The following OCLN variants were observed in gnomAD, a reference collection of about 807,000 sequenced individuals.
The protein encoded by OCLN is occludin, also known as phosphatase 1, regulatory subunit 115.
In OCLN, 21 loss-of-function variants were observed where a neutral mutation model predicts 47.9. The ratio of observed to expected loss-of-function variants is 0.44; its 90% confidence interval spans 0.31 to 0.63. The LOEUF is 0.63. Among genes scored for constraint, OCLN ranks in the 30% least tolerant of loss-of-function variants. The pLI, the probability that OCLN is intolerant of heterozygous loss-of-function variation, is 0.08. For synonymous variants in OCLN, 117 were observed against 198.4 expected (o/e 0.59, Z 3.45); for missense variants, 360 against 571.0 (o/e 0.63, Z 3.77).
chr5:69,511,729 A>G (rs779260468), intron 3 of OCLN, among the ~76,000 whole-genome samples: 1 of 152,078 alleles, frequency 6.6e-6, no homozygotes, highest in Non-Finnish European at 1.5e-5. Context: ...TTTGCATAAA[A>G]GCTTTTAGTT....
chr5:69,515,578 GCGGGGGGC>G (rs1768928064), intron 4 of OCLN, among the ~76,000 whole-genome samples: 2 of 143,104 alleles, frequency 1.4e-5, no homozygotes, highest in Admixed American at 7.1e-5. Flanking sequence ...GGCTGGCCGG[GCGGGGGGC>G]TGACCCCCCC....
chr5:69,532,337 A>ACTCT (rs1769455146), intron 4 of OCLN, among the ~76,000 whole-genome samples: 1 of 152,130 alleles, frequency 6.6e-6, no homozygotes, highest in African/African-American at 2.4e-5. Context: ...CAGTCTCAAG[A>ACTCT]GGTCTTCCCA....
At chr5:69,530,991 C>T (rs1039409990) in intron 4 of OCLN, among the ~76,000 whole-genome samples, 3 of 152,230 alleles carry the variant, frequency 2.0e-5, no homozygotes, top group Non-Finnish European at 2.9e-5. Context: ...GGAAACTGCC[C>T]GCCCTTGCAT....
intron 8 of OCLN, 32 bp downstream of exon 8, chr5:69,551,617 ACTTT>A (rs1183533416): frequency 1.0e-5 from 1 of 99,906 alleles, no homozygotes; most frequent in Non-Finnish European, 1.8e-5. Context: ...TTTAGGAAGA[ACTTT>A]CTTTCTTCTT....
intron 4 of OCLN, among the ~76,000 whole-genome samples, chr5:69,515,959 C>G (rs1768952977): frequency 6.6e-6 from 1 of 150,746 alleles, no homozygotes; most frequent in African/African-American, 2.4e-5. Flanking sequence ...AAGAGGCGCT[C>G]CTCACTTCCT....
At chr5:69,502,636 T>C (rs1768492835) in intron 1 of OCLN, among the ~76,000 whole-genome samples, 1 of 152,208 alleles carries the variant, frequency 6.6e-6, no homozygotes, top group Non-Finnish European at 1.5e-5. Flanking sequence ...TTATTGTTGG[T>C]TCAACATAGC....
rs549147209 is a variant in OCLN, at chr5:69,527,004, G to A, written c.892-7690G>A. Reference sequence around the variant, plus strand: ...TCAAAAGGTGAAGCAGGGGCCAGGCGCGGTGGCTCACACCTGTAATCCTAG... The same window carrying A: ...TCAAAAGGTGAAGCAGGGGCCAGGCACGGTGGCTCACACCTGTAATCCTAG... On this transcript the variant is annotated intron_variant, in intron 4 of 8. Transcript: ENST00000396442. 1.4e-4 allele frequency among the ~76,000 whole-genome samples: 22 copies of A among 152,276 alleles called. No individual in the cohort carries two copies. In the South Asian group the frequency reaches 4.2e-3, roughly 29 times the overall value.
In OCLN at chr5:69,509,797, A is replaced by G. The variant is rs200609277; in HGVS notation, c.707A>G (p.Tyr236Cys). 13 of 1,613,708 alleles carry G rather than the reference A, an allele frequency of 8.1e-6. No homozygotes were observed. The East Asian group carries it at 1.3e-4, about 17-fold the overall frequency. Residue 236 changes from tyrosine to cysteine, a missense_variant, in exon 3 of 9, where the codon TAC (tyrosine) becomes TGC (cysteine). Transcript: ENST00000396442. Reference protein sequence around the residue: ...GLYVDQYLYHYCVVDPQEAIA... With the variant: ...GLYVDQYLYHCCVVDPQEAIA... The stretch of plus-strand genomic sequence containing the variant: ...TACGTGGATCAGTATTTGTATCACT[A>G]CTGTGTTGTGGATCCCCAGGAGGTA...
chr5:69,548,510 C>T (rs1365890867), intron 7 of OCLN, among the ~76,000 whole-genome samples: 1 of 149,078 alleles, frequency 6.7e-6, no homozygotes, highest in Non-Finnish European at 1.5e-5. Flanking sequence ...TTAGTAGAGA[C>T]GGGGTTTCAC....
chr5:69,526,123 C>T (rs1769271689), intron 4 of OCLN, among the ~76,000 whole-genome samples: 1 of 152,136 alleles, frequency 6.6e-6, no homozygotes, highest in South Asian at 2.1e-4. Flanking sequence ...AACAGAATCA[C>T]CTGGAGGGCT....
intron 7 of OCLN, among the ~76,000 whole-genome samples, chr5:69,548,440 A>G (rs1347445953): frequency 6.7e-6 from 1 of 150,078 alleles, no homozygotes; most frequent in Admixed American, 6.6e-5. Flanking sequence ...CAGCCTCCCA[A>G]GTAGCTGGGA....
Position 69,493,274 on chromosome 5 carries a change from G to A in OCLN, c.-69+374G>A, listed in dbSNP as rs968651525. On this transcript the variant is annotated intron_variant, in intron 1 of 8. Coordinates refer to ENST00000396442, the MANE Select transcript of OCLN (RefSeq NM_001205254.2). The surrounding 1 kb of genome is among the most constrained non-coding windows in gnomAD (Gnocchi z 5.3). ...TCTGGGGCTGCAGTTTGGGGGGGCG[G>A]CCTTCATGGAGAGGGATCCTGCGCC... is the stretch of plus-strand genomic sequence containing the variant. Among the ~76,000 whole-genome samples, 1 of 152,134 alleles carries A rather than the reference G, an allele frequency of 6.6e-6. No homozygotes were observed. The highest frequency in any genetic ancestry group is 1.5e-5 in the Non-Finnish European group (1 of 68,020).
intron 1 of OCLN, among the ~76,000 whole-genome samples, chr5:69,495,831 T>C (rs1239506009): frequency 6.6e-6 from 1 of 152,186 alleles, no homozygotes; most frequent in Non-Finnish European, 1.5e-5. Context: ...ACGTCTGAGC[T>C]GAGACCTGAA....
chr5:69,511,158 T>TA (rs1768773491), intron 3 of OCLN, among the ~76,000 whole-genome samples: 2 of 152,038 alleles, frequency 1.3e-5, no homozygotes. Context: ...CACTGTGAGC[T>TA]ACGCCTCCTG....
chr5:69,499,914 A>T (rs1419800297), intron 1 of OCLN, among the ~76,000 whole-genome samples: 2 of 152,206 alleles, frequency 1.3e-5, no homozygotes, highest in Non-Finnish European at 2.9e-5. Context: ...CCCAGTGCAG[A>T]GGTCAGGATT....
chr5:69,536,893 G>A (rs1000420746), intron 5 of OCLN, among the ~76,000 whole-genome samples: 2 of 151,484 alleles, frequency 1.3e-5, no homozygotes, highest in Admixed American at 1.3e-4. Context: ...GCGTGAACCC[G>A]GGAGGTGGAG....
intron 4 of OCLN, among the ~76,000 whole-genome samples, chr5:69,522,223 G>A (rs1769157356): frequency 6.6e-6 from 1 of 151,990 alleles, no homozygotes. Flanking sequence ...CCCCTTCAAG[G>A]TTTAAATAAT....
chr5:69,530,085 T>A (rs1769388802), intron 4 of OCLN, among the ~76,000 whole-genome samples: 2 of 152,118 alleles, frequency 1.3e-5, no homozygotes, highest in African/African-American at 4.8e-5. Flanking sequence ...GACCCTGTAG[T>A]CCCAGCTACT....
chr5:69,509,498 A>G lies in OCLN; in HGVS notation c.408A>G (p.Ala136=). 6.2e-7 allele frequency: 1 copy of G among 1,614,208 alleles called. No homozygotes were observed. Among genetic ancestry groups the G allele is most frequent in the Non-Finnish European group, 8.5e-7 (1 of 1,180,022 alleles). Reference sequence around the variant, plus strand: ...ACGGAGGCTATACAGACCCAAGAGCAGCAAAGGGCTTCATGTTGGCCATGG... The same window carrying G: ...ACGGAGGCTATACAGACCCAAGAGCGGCAAAGGGCTTCATGTTGGCCATGG... ...YGYGGYTDPR[A]AKGFMLAMAA... Residue 136 remains alanine (A), a synonymous_variant, in exon 3 of 9, where the codon GCA becomes GCG. Transcript: ENST00000396442.
Sources: gnomAD v4.1 joint callset for allele counts (sites outside exome capture counted in the v4.1 genomes callset) on GRCh38, gnomAD v4.1.1 for gene constraint, Gnocchi (gnomAD v3.1) non-coding constraint, MANE v1.5 for transcripts, NCBI Gene and HGNC (gene_info 2026-07-23, HGNC 2026-07-21) for gene names.